Variants in ISY1 observed in about 807,000 individuals in gnomAD.
ISY1 encodes the protein ISY1 spliceosome associated protein.
ISY1 carries 12 observed loss-of-function variants against 54.4 expected under a neutral mutation model. The observed-to-expected ratio is 0.22, with a 90% CI of 0.14 to 0.36. The LOEUF is 0.36. ISY1 is among the 10% of genes least tolerant of loss of function. The probability of loss-of-function intolerance (pLI) is 1.00; values close to 1 mark genes in which losing one functional copy is unlikely to be tolerated. For synonymous variants in ISY1, 96 were observed against 117.9 expected, an observed-to-expected ratio of 0.81 and a Z score of 1.20; for missense variants, 282 against 342.2, an observed-to-expected ratio of 0.82 and a Z score of 1.39.
chr3:129,128,918 A>G lies in ISY1; in HGVS notation c.*1163T>C, dbSNP rs1347219696. The G allele has an allele frequency of 6.6e-6, 1 of 152,374 alleles. No individual in the cohort carries two copies. The highest frequency in any genetic ancestry group is 1.5e-5 in the Non-Finnish European group (1 of 68,164). The allele number at this position is 152,374 out of a possible 1,614,324, so 9.4% of individuals were successfully genotyped here. A position where few individuals can be genotyped will look rare whatever the true frequency, so the allele number is the denominator to read the frequency against. ...CCAGTTCAGAGGAAGCTCTGGACTC[A>G]GCTCGTGTCCACTGTGTGCTTTCAG... On this transcript the variant is annotated 3_prime_UTR_variant, in exon 11 of 11. Transcript: ENST00000393295.
At chr3:129,155,780 AG>A (rs1238601523) in intron 5 of ISY1, among the ~76,000 whole-genome samples, 1 of 150,392 alleles carries the variant, frequency 6.6e-6, no homozygotes, top group Non-Finnish European at 1.5e-5. Context: ...GGAATGCAAT[AG>A]TGTGATCTTG....
chr3:129,155,624 T>C (rs954275712), intron 5 of ISY1, among the ~76,000 whole-genome samples: 19 of 151,892 alleles, frequency 1.3e-4, no homozygotes, highest in Admixed American at 1.2e-3. Flanking sequence ...CTCAGACACA[T>C]GAATTATTTA....
At chr3:129,154,909 CG>C (rs1937092371) in intron 5 of ISY1, among the ~76,000 whole-genome samples, 1 of 151,614 alleles carries the variant, frequency 6.6e-6, no homozygotes, top group Admixed American at 6.6e-5. Flanking sequence ...AGGATGGTCT[CG>C]ATCTCCTGAC....
chr3:129,137,416 T>C lies in ISY1; in HGVS notation c.419-2462A>G, dbSNP rs918565723. ...GATGACAAAAAAGGAAAAATAAATT[T>C]AAAAACCCAAAACTCTATCACTGGA... On this transcript the variant is annotated intron_variant, in intron 7 of 10. Coordinates refer to ENST00000393295, the MANE Select transcript of ISY1 (RefSeq NM_020701.4). 2.0e-5 allele frequency among the ~76,000 whole-genome samples: 3 copies of C among 152,120 alleles called. No homozygotes were observed. The East Asian group carries it at 5.8e-4, about 29-fold the overall frequency.
intron 1 of ISY1, among the ~76,000 whole-genome samples, chr3:129,160,487 CAT>C (rs1466871846): frequency 2.0e-5 from 3 of 151,792 alleles, no homozygotes; most frequent in Non-Finnish European, 4.4e-5. Context: ...AGTTATTGAA[CAT>C]CTGCAACGAC....
At chr3:129,144,996 C>T (rs1484086504) in intron 6 of ISY1, among the ~76,000 whole-genome samples, 1 of 152,096 alleles carries the variant, frequency 6.6e-6, no homozygotes, top group African/African-American at 2.4e-5. Context: ...CTGCAGCCTC[C>T]ACCTCCCAGG....
intron 8 of ISY1, 102 bp downstream of exon 8, chr3:129,134,730 A>G: frequency 7.0e-7 from 1 of 1,424,912 alleles, no homozygotes; most frequent in Non-Finnish European, 9.3e-7. Flanking sequence ...GCAACAAAGA[A>G]AACTCCCTTC....
chr3:129,158,993 CAAAAA>C (rs1937224520), intron 2 of ISY1, among the ~76,000 whole-genome samples, 156 bp downstream of exon 2: 1 of 152,020 alleles, frequency 6.6e-6, no homozygotes, highest in Admixed American at 6.6e-5. Context: ...AACAAATGGG[CAAAAA>C]CAGGAATGTT....
At chr3:129,157,333 C>G (rs1363578509) in intron 3 of ISY1, among the ~76,000 whole-genome samples, 1 of 152,060 alleles carries the variant, frequency 6.6e-6, no homozygotes, top group Non-Finnish European at 1.5e-5. Context: ...GGGTGAGTCT[C>G]TAAGAAATGA....
At chr3:129,148,185 G>C (rs1339343990) in intron 5 of ISY1, among the ~76,000 whole-genome samples, 3 of 152,012 alleles carry the variant, frequency 2.0e-5, no homozygotes, top group Non-Finnish European at 4.4e-5. Context: ...ACCTCAGTTT[G>C]TTTATCCATT....
At chr3:129,157,849 A>AGAAATAG in intron 3 of ISY1, among the ~76,000 whole-genome samples, 1 of 152,210 alleles carries the variant, frequency 6.6e-6, no homozygotes, top group East Asian at 1.9e-4. Context: ...CAGACTCTCA[A>AGAAATAG]GAGCGTCAGC....
Position 129,134,211 on chromosome 3 carries a change from G to A in ISY1, c.542-16C>T. ...TCGGCTCTGACTGAACACAAGAGAGGGTAGGTGCTATTTATTTGTCTCTAA... is the reference window on the plus strand; with the variant it reads ...TCGGCTCTGACTGAACACAAGAGAGAGTAGGTGCTATTTATTTGTCTCTAA... On this transcript the variant is annotated splice_polypyrimidine_tract_variant and intron_variant, in intron 8 of 10. Transcript: ENST00000393295. The A allele has an allele frequency of 6.2e-7, 1 of 1,614,030 alleles. No homozygotes were observed. Among genetic ancestry groups the A allele is most frequent in the Non-Finnish European group, 8.5e-7 (1 of 1,180,012 alleles).
At chr3:129,137,546 G>C (rs535810967) in intron 7 of ISY1, among the ~76,000 whole-genome samples, 29 of 152,218 alleles carry the variant, frequency 1.9e-4, no homozygotes, top group African/African-American at 6.3e-4. Context: ...GAAACTGGAA[G>C]GAACAGCCAG....
At chr3:129,159,056 C>A in intron 2 of ISY1, 98 bp downstream of exon 2, 1 of 1,468,296 alleles carries the variant, frequency 6.8e-7, no homozygotes, top group Non-Finnish European at 9.3e-7. Flanking sequence ...AACAGCTTCT[C>A]AAAAGGCTCA....
intron 5 of ISY1, among the ~76,000 whole-genome samples, chr3:129,153,497 T>C (rs1463729902): frequency 1.3e-5 from 2 of 152,152 alleles, no homozygotes; most frequent in African/African-American, 4.8e-5. Flanking sequence ...CAAAAATTTC[T>C]TCAGGGCTGG....
intron 5 of ISY1, among the ~76,000 whole-genome samples, chr3:129,155,739 G>C (rs946957892): frequency 2.3e-5 from 3 of 128,498 alleles, no homozygotes; most frequent in South Asian, 2.5e-4. Flanking sequence ...TTTTTTTTTT[G>C]AGATGGAGTT....
chr3:129,133,994 G>C, intron 9 of ISY1, 80 bp downstream of exon 9: 1 of 1,590,894 alleles, frequency 6.3e-7, no homozygotes, highest in Non-Finnish European at 8.6e-7. Context: ...CTCTGTATTT[G>C]GGAGCCAAGT....
chr3:129,158,406 A>AGG lies in ISY1; in HGVS notation c.78+101_78+102insCC, dbSNP rs1937208833. The AGG allele has an allele frequency of 2.6e-6, 4 of 1,523,328 alleles. No individual in the cohort carries two copies. In the East Asian group the frequency reaches 9.2e-5, roughly 35 times the overall value. The allele number at this position is 1,523,328 out of a possible 1,614,324, so 94.4% of individuals were successfully genotyped here. On this transcript the variant is annotated intron_variant, in intron 3 of 10. Coordinates refer to ENST00000393295, the MANE Select transcript of ISY1 (RefSeq NM_020701.4). ...ACTCCTAGACTCAAGTGATCCACCC[A>AGG]CCTCAGCCTCCCCAAGTATTGGGAT...
chr3:129,155,281 G>A (rs577745083), intron 5 of ISY1, among the ~76,000 whole-genome samples: 5 of 151,614 alleles, frequency 3.3e-5, no homozygotes, highest in East Asian at 3.9e-4. Flanking sequence ...TACAACCTCC[G>A]CCTCCCGGGT....
Sources: allele counts gnomAD v4.1 joint callset (sites outside exome capture counted in the v4.1 genomes callset), GRCh38; gene constraint gnomAD v4.1.1; transcripts MANE v1.5; gene names NCBI Gene and HGNC (gene_info 2026-07-23, HGNC 2026-07-21).